Variants in UNC5C observed in about 807,000 individuals in gnomAD.
UNC5C encodes netrin receptor UNC5C.
A neutral mutation model predicts 99.8 loss-of-function variants in UNC5C; 47 were observed. The ratio of observed to expected loss-of-function variants is 0.47; its 90% confidence interval spans 0.37 to 0.60. The LOEUF (loss-of-function observed/expected upper bound fraction) is 0.60. Ranked by LOEUF, UNC5C falls within the 20% of genes least tolerant of loss-of-function variation. The pLI, the probability that UNC5C is intolerant of heterozygous loss-of-function variation, is 0.00. For synonymous variants in UNC5C, 487 were observed against 452.2 expected (o/e 1.08, Z -0.98); for missense variants, 1,062 against 1,165.9 (o/e 0.91, Z 1.30).
intron 2 of UNC5C, among the ~76,000 whole-genome samples, chr4:95,325,046 T>A: frequency 6.6e-6 from 1 of 152,220 alleles, no homozygotes; most frequent in East Asian, 1.9e-4. Flanking sequence ...TAAGAACTTA[T>A]AAGACACTGG....
chr4:95,500,711 C>T (rs1721754973), intron 1 of UNC5C, among the ~76,000 whole-genome samples: 1 of 152,076 alleles, frequency 6.6e-6, no homozygotes, highest in African/African-American at 2.4e-5. Context: ...TTTCCTTTTA[C>T]TAAAATGAAT....
At chr4:95,332,568 A>T (rs1317489955) in intron 2 of UNC5C, among the ~76,000 whole-genome samples, 1 of 151,916 alleles carries the variant, frequency 6.6e-6, no homozygotes, top group African/African-American at 2.4e-5. Context: ...ACAAAAATTC[A>T]TTCAAGATGG....
At chr4:95,391,980 C>T (rs910771965) in intron 1 of UNC5C, among the ~76,000 whole-genome samples, 7 of 152,088 alleles carry the variant, frequency 4.6e-5, no homozygotes, top group African/African-American at 1.4e-4. Flanking sequence ...TCACTTGAGC[C>T]CCAGACGTCG....
chr4:95,527,241 C>T (rs544313369), intron 1 of UNC5C, among the ~76,000 whole-genome samples: 5 of 152,186 alleles, frequency 3.3e-5, no homozygotes, highest in South Asian at 4.1e-4. Flanking sequence ...GCATCACACA[C>T]GTTAATAGTA....
chr4:95,392,747 C>T (rs1030922065), intron 1 of UNC5C, among the ~76,000 whole-genome samples: 2 of 152,010 alleles, frequency 1.3e-5, no homozygotes, highest in Non-Finnish European at 1.5e-5. Context: ...GGCTGAAACG[C>T]TTTTTCGATA....
At chr4:95,438,282 CCTT>C (rs1259997814) in intron 1 of UNC5C, among the ~76,000 whole-genome samples, 2 of 152,042 alleles carry the variant, frequency 1.3e-5, no homozygotes, top group African/African-American at 4.8e-5. Context: ...AAATTAAAAA[CCTT>C]CTTCTCCCAT....
At chr4:95,283,422 G>A (rs1430565658) in intron 3 of UNC5C, among the ~76,000 whole-genome samples, 2 of 152,170 alleles carry the variant, frequency 1.3e-5, no homozygotes, top group African/African-American at 4.8e-5. Context: ...AATTCCTGCC[G>A]TAAAACCTCC....
chr4:95,352,435 C>T (rs1744024378), intron 1 of UNC5C, among the ~76,000 whole-genome samples: 1 of 152,116 alleles, frequency 6.6e-6, no homozygotes, highest in African/African-American at 2.4e-5. Context: ...GTCTATTTCT[C>T]CCTCCAAGAA....
intron 2 of UNC5C, among the ~76,000 whole-genome samples, chr4:95,305,530 T>C (rs1015541786): frequency 6.6e-6 from 1 of 152,150 alleles, no homozygotes; most frequent in African/African-American, 2.4e-5. Context: ...AACCTGAAAT[T>C]GGTTTCAGGT....
rs755116229 is a variant in UNC5C at position 95,220,109 on chromosome 4, C to T, written c.1176G>A (p.Ala392=). 13 of 1,614,092 alleles carry T rather than the reference C, an allele frequency of 8.1e-6. No individual in the cohort carries two copies. The highest frequency in any genetic ancestry group is 4.5e-5 in the East Asian group (2 of 44,878). ...CAAACAAGGCCACAACTACAGAGAT[C>T]GCCAGGCAAACGATCACTGCTATCA... ...GIVIAVIVCL[A]ISVVVALFVY... The change falls in exon 8 of 16, where the codon GCG becomes GCA. Residue 392 remains alanine, a synonymous_variant. Coordinates refer to ENST00000453304, the MANE Select transcript of UNC5C (RefSeq NM_003728.4).
At chr4:95,289,659 GA>G (rs1267661600) in intron 3 of UNC5C, among the ~76,000 whole-genome samples, 3 of 152,044 alleles carry the variant, frequency 2.0e-5, no homozygotes, top group Admixed American at 6.5e-5. Flanking sequence ...TTCTTAAAGG[GA>G]AAAAAATGTA....
intron 1 of UNC5C, among the ~76,000 whole-genome samples, chr4:95,355,202 GT>G (rs1744136861): frequency 6.6e-6 from 1 of 152,118 alleles, no homozygotes; most frequent in African/African-American, 2.4e-5. Flanking sequence ...TATAAAATCT[GT>G]AGATATGGCA....
intron 1 of UNC5C, among the ~76,000 whole-genome samples, chr4:95,419,709 C>T (rs1183442981): frequency 1.3e-5 from 2 of 152,142 alleles, no homozygotes; most frequent in African/African-American, 4.8e-5. Flanking sequence ...AACACTCAAA[C>T]TTTTCTTCTG....
intron 4 of UNC5C, among the ~76,000 whole-genome samples, chr4:95,269,080 G>GT (rs1740561879): frequency 6.6e-6 from 1 of 152,176 alleles, no homozygotes; most frequent in South Asian, 2.1e-4. Context: ...GTATTTGTTT[G>GT]TTTTAACTTT....
intron 4 of UNC5C, among the ~76,000 whole-genome samples, chr4:95,256,167 A>C (rs1220206836): frequency 6.6e-6 from 1 of 151,448 alleles, no homozygotes; most frequent in East Asian, 2.0e-4. Flanking sequence ...GCTGCTTTCT[A>C]TTTTCTATCC....
At chr4:95,462,258 G>T (rs980091737) in intron 1 of UNC5C, among the ~76,000 whole-genome samples, 3 of 152,046 alleles carry the variant, frequency 2.0e-5, no homozygotes, top group Non-Finnish European at 4.4e-5. Context: ...ACAGTAAATA[G>T]TTATAAATGT....
Position 95,167,591 on chromosome 4 carries a change from A to G in UNC5C, c.*1643T>C, listed in dbSNP as rs567767740. Reference sequence around the variant, plus strand: ...AGATGCCAAGACAATAATAAAAAACAGAATTTGCAACCAGTCAGGAAGGCT... The same window carrying G: ...AGATGCCAAGACAATAATAAAAAACGGAATTTGCAACCAGTCAGGAAGGCT... On this transcript the variant is annotated 3_prime_UTR_variant, in exon 16 of 16. Transcript: ENST00000453304. 6.6e-6 allele frequency: 1 copy of G among 152,378 alleles called. No individual in the cohort carries two copies. Among genetic ancestry groups the G allele is most frequent in the Non-Finnish European group, 1.5e-5 (1 of 68,040 alleles). The allele number at this position is 152,378 out of a possible 1,614,324, so 9.4% of individuals were successfully genotyped here.
Position 95,234,276 on chromosome 4 carries a change from T to C in UNC5C, c.1108+8153A>G, listed in dbSNP as rs373810892. On this transcript the variant is annotated intron_variant, in intron 7 of 15. Coordinates refer to ENST00000453304, the MANE Select transcript of UNC5C (RefSeq NM_003728.4). ...TGGTCTTCCAATACTGATTCTGTAGTATTATTAAGTAAAAACTGATATTTG... is the reference window on the plus strand; with the variant it reads ...TGGTCTTCCAATACTGATTCTGTAGCATTATTAAGTAAAAACTGATATTTG... 8.6e-5 allele frequency among the ~76,000 whole-genome samples: 13 copies of C among 150,506 alleles called. No homozygotes were observed. The South Asian group carries it at 2.1e-3, about 24-fold the overall frequency.
chr4:95,424,513 C>CTTTTCTTTTTTTTTTTT (rs1746410329), intron 1 of UNC5C, among the ~76,000 whole-genome samples: 2 of 85,026 alleles, frequency 2.4e-5, no homozygotes, highest in South Asian at 4.8e-4. Flanking sequence ...TTTTTTTTTT[C>CTTTTCTTTTTTTTTTTT]TTTTCTTTTT....
Sources: gnomAD v4.1 joint callset for allele counts (sites outside exome capture counted in the v4.1 genomes callset) on GRCh38, gnomAD v4.1.1 for gene constraint, MANE v1.5 for transcripts, NCBI Gene and HGNC (gene_info 2026-07-23, HGNC 2026-07-21) for gene names.